XIRP2: variants seen among roughly 807,000 people sequenced by gnomAD.
XIRP2 encodes the protein xin actin-binding repeat-containing protein 2.
XIRP2 carries 236 observed loss-of-function variants against 277.0 expected under a neutral mutation model. That is an observed-to-expected ratio of 0.85 (90% confidence interval 0.77 to 0.95). XIRP2 has a LOEUF of 0.95. Among genes scored for constraint, XIRP2 ranks in the 40% least tolerant of loss-of-function variants. The pLI is 0.00. For missense variants in XIRP2, 4,640 were observed against 4,157.5 expected (o/e 1.12, Z -3.19); for synonymous variants, 1,490 against 1,416.5 (o/e 1.05, Z -1.17).
chr2:167,081,830 A>G (rs2105262691), intron 2 of XIRP2, among the ~76,000 whole-genome samples: 2 of 152,322 alleles, frequency 1.3e-5, no homozygotes, highest in South Asian at 4.1e-4. Context: ...TTAGCATGTC[A>G]GAGAGCTCTT....
At chr2:166,967,259 T>G (rs555924132) in intron 2 of XIRP2, among the ~76,000 whole-genome samples, 12 of 151,838 alleles carry the variant, frequency 7.9e-5, no homozygotes, top group Non-Finnish European at 1.6e-4. Flanking sequence ...CTGTTAAAAG[T>G]CAAAATATCC....
At chr2:167,185,935 A>C (rs1461432768) in intron 3 of XIRP2, among the ~76,000 whole-genome samples, 2 of 152,168 alleles carry the variant, frequency 1.3e-5, no homozygotes, top group Admixed American at 6.6e-5. Context: ...AAACTTGCCC[A>C]GGTCACAGAG....
chr2:166,920,455 A>T (rs1433868389), intron 2 of XIRP2, among the ~76,000 whole-genome samples: 1 of 152,138 alleles, frequency 6.6e-6, no homozygotes, highest in Admixed American at 6.6e-5. Flanking sequence ...CAGTGCCAGA[A>T]ATCAAAGCAA....
At chr2:166,951,264 G>T (rs62196030) in intron 2 of XIRP2, among the ~76,000 whole-genome samples, 62 of 152,114 alleles carry the variant, frequency 4.1e-4, no homozygotes, top group Non-Finnish European at 7.9e-4. Context: ...AAAAGAAGTT[G>T]AATTGGCTCA....
intron 2 of XIRP2, among the ~76,000 whole-genome samples, chr2:166,936,673 C>A: frequency 6.6e-6 from 1 of 152,140 alleles, no homozygotes; most frequent in East Asian, 1.9e-4. Flanking sequence ...ATAGGGAATC[C>A]TTTCCCCATT....
intron 2 of XIRP2, among the ~76,000 whole-genome samples, chr2:167,007,029 C>G (rs561028981): frequency 6.6e-6 from 1 of 151,738 alleles, no homozygotes; most frequent in South Asian, 2.1e-4. Context: ...GCACCTGGTA[C>G]AGTGTTATAA....
chr2:167,030,670 GAA>G (rs1322874073), intron 2 of XIRP2, among the ~76,000 whole-genome samples: 1 of 152,130 alleles, frequency 6.6e-6, no homozygotes. Context: ...GTGGTGCTGA[GAA>G]GAATATATAT....
At chr2:167,007,442 AC>A (rs1482856291) in intron 2 of XIRP2, among the ~76,000 whole-genome samples, 1 of 151,718 alleles carries the variant, frequency 6.6e-6, no homozygotes, top group Non-Finnish European at 1.5e-5. Context: ...AAATGACATT[AC>A]CAGTAATGTT....
At chr2:166,962,636 G>A (rs1574118322) in intron 2 of XIRP2, among the ~76,000 whole-genome samples, 4 of 151,750 alleles carry the variant, frequency 2.6e-5, no homozygotes, top group Non-Finnish European at 4.4e-5. Context: ...AGAAATAAAT[G>A]ATACAACAAA....
chr2:166,984,391 T>C (rs1199609150), intron 2 of XIRP2, among the ~76,000 whole-genome samples: 1 of 152,168 alleles, frequency 6.6e-6, no homozygotes, highest in Non-Finnish European at 1.5e-5. Context: ...TTAGGAGGCT[T>C]ACAGAAGTCA....
chr2:167,035,201 G>T (rs1299172559), intron 2 of XIRP2, among the ~76,000 whole-genome samples: 1 of 152,140 alleles, frequency 6.6e-6, no homozygotes, highest in Non-Finnish European at 1.5e-5. Context: ...TGGGGTGCTT[G>T]CTGTAGATGC....
At chr2:167,184,534 T>C (rs1458795490) in intron 3 of XIRP2, 2 of 714,368 alleles carry the variant, frequency 2.8e-6, no homozygotes, top group East Asian at 2.7e-5. Context: ...TTTTTCTGTT[T>C]CCAGCAGCAG....
At chr2:167,154,402 C>G (rs1185053180) in intron 3 of XIRP2, among the ~76,000 whole-genome samples, 1 of 151,244 alleles carries the variant, frequency 6.6e-6, no homozygotes, top group South Asian at 2.1e-4. Context: ...TGCAGAAGCT[C>G]TTTAGTTTAA....
chr2:167,152,895 A>G (rs10497310), intron 3 of XIRP2, among the ~76,000 whole-genome samples: 26,319 of 152,086 alleles, frequency 0.17, 3,365 homozygotes, highest in African/African-American at 0.36. Flanking sequence ...TCTGTACCAC[A>G]GGCATTAAAG....
chr2:167,074,830 G>T (rs1689522241), intron 2 of XIRP2, among the ~76,000 whole-genome samples: 1 of 152,070 alleles, frequency 6.6e-6, no homozygotes, highest in Non-Finnish European at 1.5e-5. Flanking sequence ...TTGCCATGTT[G>T]CCCAAGCTGG....
chr2:167,045,713 T>C (rs562945687), intron 2 of XIRP2, among the ~76,000 whole-genome samples: 1 of 152,136 alleles, frequency 6.6e-6, no homozygotes, highest in South Asian at 2.1e-4. Context: ...AGAATGGCTA[T>C]AATTAAAAAG....
chr2:167,045,421 G>A (rs1021049798), intron 2 of XIRP2, among the ~76,000 whole-genome samples: 1 of 152,050 alleles, frequency 6.6e-6, no homozygotes, highest in Non-Finnish European at 1.5e-5. Context: ...TTAAACTAAA[G>A]AGTTCTGCAC....
At chr2:167,222,950 G>A (rs959178727) in intron 5 of XIRP2, among the ~76,000 whole-genome samples, 1 of 151,784 alleles carries the variant, frequency 6.6e-6, no homozygotes, top group African/African-American at 2.4e-5. Flanking sequence ...ACAGTTCAAT[G>A]ATTGTTTAGA....
Position 167,133,512 on chromosome 2 carries a change from T to C in XIRP2, c.409-2397T>C, listed in dbSNP as rs141305080. Among the ~76,000 whole-genome samples, 11 of 152,330 alleles carry C rather than the reference T, an allele frequency of 7.2e-5. No individual in the cohort carries two copies. In the East Asian group the frequency reaches 2.1e-3, roughly 29 times the overall value. On this transcript the variant is annotated intron_variant, in intron 2 of 10. Transcript: ENST00000409195. ...CCAAAATGAGAATACCAATATAGTA[T>C]AAGTTAATGTCATCACCAGCTGAAA...
Sources: allele counts gnomAD v4.1 joint callset (sites outside exome capture counted in the v4.1 genomes callset), GRCh38; gene constraint gnomAD v4.1.1; transcripts MANE v1.5; gene names NCBI Gene and HGNC (gene_info 2026-07-23, HGNC 2026-07-21).